Variants in PRR5 observed in about 807,000 individuals in gnomAD.
PRR5 encodes the protein proline rich 5.
In PRR5, 25 loss-of-function variants were observed where a neutral mutation model predicts 30.6. The observed-to-expected ratio is 0.82, with a 90% CI of 0.60 to 1.14. The LOEUF is 1.14. Among genes scored for constraint, PRR5 ranks in the 50% most tolerant of loss-of-function variants. The pLI, the probability that PRR5 is intolerant of heterozygous loss-of-function variation, is 0.00. For missense variants in PRR5, 600 were observed against 547.1 expected (o/e 1.10, Z -0.96); for synonymous variants, 286 against 247.1 (o/e 1.16, Z -1.48).
At chr22:44,706,147 A>G (rs962033055) in intron 1 of PRR5, among the ~76,000 whole-genome samples, 11 of 152,168 alleles carry the variant, frequency 7.2e-5, no homozygotes, top group African/African-American at 2.7e-4. Flanking sequence ...TTTAGGGCCC[A>G]TCCTTAGTTA....
intron 6 of PRR5, among the ~76,000 whole-genome samples, chr22:44,733,868 G>T (rs1006645425): frequency 1.3e-5 from 2 of 152,320 alleles, no homozygotes; most frequent in African/African-American, 4.8e-5. Flanking sequence ...CTCACCCCCA[G>T]GGACGTGGCC....
intron 6 of PRR5, among the ~76,000 whole-genome samples, chr22:44,733,836 C>T (rs1922686922): frequency 6.6e-6 from 1 of 152,174 alleles, no homozygotes; most frequent in African/African-American, 2.4e-5. Flanking sequence ...GCCCCGAAAC[C>T]CCAAGAGTTC....
chr22:44,726,829 G>GC (rs1056333119), intron 4 of PRR5, among the ~76,000 whole-genome samples, 195 bp downstream of exon 4: 16 of 152,266 alleles, frequency 1.1e-4, no homozygotes, highest in Admixed American at 6.5e-5. Context: ...GAGAGGGTCT[G>GC]CCCCCCGAAC....
At chr22:44,728,223 G>C (rs1327104109) in intron 4 of PRR5, among the ~76,000 whole-genome samples, 1 of 152,238 alleles carries the variant, frequency 6.6e-6, no homozygotes, top group Non-Finnish European at 1.5e-5. Flanking sequence ...AGGTCTCAGG[G>C]ACAGGCACTG....
chr22:44,726,470 T>G, intron 3 of PRR5, 107 bp from the exon 4 acceptor site: 1 of 1,531,894 alleles, frequency 6.5e-7, no homozygotes, highest in Non-Finnish European at 8.9e-7. Flanking sequence ...TCCTCCCCCT[T>G]TAAGCCTTGG....
At chr22:44,706,016 T>C (rs1927136604) in intron 1 of PRR5, among the ~76,000 whole-genome samples, 1 of 152,066 alleles carries the variant, frequency 6.6e-6, no homozygotes, top group African/African-American at 2.4e-5. Context: ...GCCAGGCTAC[T>C]CTCAAACTCC....
upstream of PRR5, among the ~76,000 whole-genome samples, chr22:44,698,413 G>T (rs1024077082): frequency 6.7e-6 from 1 of 148,918 alleles, no homozygotes; most frequent in Admixed American, 6.6e-5. Flanking sequence ...AGTCTGGAGT[G>T]GGGGCCACTC....
upstream of PRR5, among the ~76,000 whole-genome samples, chr22:44,676,138 C>T (rs893638224): frequency 5.3e-5 from 8 of 151,830 alleles, no homozygotes; most frequent in African/African-American, 1.9e-4. Flanking sequence ...AACCCCAGCA[C>T]TTTAGGAGGT....
chr22:44,704,765 G>A (rs941794218), intron 1 of PRR5, among the ~76,000 whole-genome samples: 2 of 151,618 alleles, frequency 1.3e-5, no homozygotes, highest in African/African-American at 2.4e-5. Flanking sequence ...CAGGAGACAT[G>A]CCCAGCTCAT....
At chr22:44,733,381 C>A (rs971399210) in intron 6 of PRR5, among the ~76,000 whole-genome samples, 15 of 152,234 alleles carry the variant, frequency 9.9e-5, no homozygotes, top group Admixed American at 5.2e-4. Context: ...CCCAGCTTCA[C>A]CCCGGCTCTC....
intron 1 of PRR5, among the ~76,000 whole-genome samples, chr22:44,690,755 A>G (rs953827687): frequency 1.3e-5 from 2 of 152,132 alleles, no homozygotes; most frequent in African/African-American, 4.8e-5. Flanking sequence ...CAGCCGGAGG[A>G]TGAGGAGCAG....
chr22:44,732,737 ACC>A (rs1922275922), intron 6 of PRR5, among the ~76,000 whole-genome samples: 1 of 144,514 alleles, frequency 6.9e-6, no homozygotes, highest in Non-Finnish European at 1.5e-5. Context: ...ATGCATACAC[ACC>A]ACACACGTGT....
At position 44,737,442 on chromosome 22, in the gene PRR5, G is replaced by GT. The variant is rs1310471824; in HGVS notation, c.*198dup. On this transcript the variant is annotated 3_prime_UTR_variant, in exon 8 of 8. Coordinates refer to ENST00000336985, the MANE Select transcript of PRR5 (RefSeq NM_181333.4). The stretch of plus-strand genomic sequence containing the variant: ...AGCCTTCCTTGCTCGGCCCAGGTCT[G>GT]TTTCAGGCATCTGAGTCGGCGTTTA... The GT allele has an allele frequency of 1.1e-5, 13 of 1,207,732 alleles. No individual in the cohort carries two copies. The highest frequency in any genetic ancestry group is 2.9e-4 in the Middle Eastern group (1 of 3,392). The allele number at this position is 1,207,732 out of a possible 1,614,324, so 74.8% of individuals were successfully genotyped here. A position where few individuals can be genotyped will look rare whatever the true frequency, so the allele number is the denominator to read the frequency against.
At chr22:44,711,750 C>G (rs993920174) in intron 1 of PRR5, among the ~76,000 whole-genome samples, 3 of 152,150 alleles carry the variant, frequency 2.0e-5, no homozygotes, top group African/African-American at 7.2e-5. Context: ...GAACCTCCAT[C>G]CAGGGTGTGG....
intron 2 of PRR5, 57 bp from the exon 3 acceptor site, chr22:44,725,187 C>G: frequency 6.2e-7 from 1 of 1,604,824 alleles, no homozygotes; most frequent in Non-Finnish European, 8.5e-7. Context: ...TCCGTGGGTC[C>G]CCCATGCCAG....
rs1377690402 is a variant in PRR5, at chr22:44,702,204, G to T, written c.-271G>T. 2.8e-6 allele frequency: 3 copies of T among 1,064,420 alleles called. No individual in the cohort carries two copies. In the African/African-American group the frequency reaches 5.1e-5, roughly 18 times the overall value. 65.9% of individuals were successfully genotyped at this position (1,064,420 alleles called of 1,614,324 possible). A position where few individuals can be genotyped will look rare whatever the true frequency, so the allele number is the denominator to read the frequency against. ...TGGGCCCGCCCCCGGGTCCGCCCCC[G>T]GCCTCCGTTTGCGCCGGGTCTGTGC... is the stretch of plus-strand genomic sequence containing the variant. On this transcript the variant is annotated 5_prime_UTR_variant, in exon 1 of 8. Coordinates refer to ENST00000336985, the MANE Select transcript of PRR5 (RefSeq NM_181333.4).
At position 44,725,296 on chromosome 22, in the gene PRR5, G is replaced by T; in HGVS notation, c.264+4G>T. 1 of 1,613,168 alleles carries T rather than the reference G, an allele frequency of 6.2e-7. No individual in the cohort carries two copies. On this transcript the variant is annotated splice_donor_region_variant and intron_variant, in intron 3 of 7. Transcript: ENST00000336985. Reference sequence around the variant, plus strand: ...CTTCTTCACGGAGTACCTGCAGGTAGGTGGGTCTTGCTCCAGCCAGGCTGG... The same window carrying T: ...CTTCTTCACGGAGTACCTGCAGGTATGTGGGTCTTGCTCCAGCCAGGCTGG...
At chr22:44,679,858 T>C (rs763213) in intron 1 of PRR5, 1,029,984 of 1,592,442 alleles carry the variant, frequency 0.65, 335,527 homozygotes, top group African/African-American at 0.85. Flanking sequence ...CCGGAAAAGA[T>C]GCCGGCGCAG....
intron 5 of PRR5, 139 bp downstream of exon 5, chr22:44,731,960 G>A: frequency 1.0e-6 from 1 of 987,020 alleles, no homozygotes; most frequent in African/African-American, 1.6e-5. Context: ...GGCTACCTGA[G>A]TTGCTCAGAG....
Sources: allele counts gnomAD v4.1 joint callset (sites outside exome capture counted in the v4.1 genomes callset), GRCh38; gene constraint gnomAD v4.1.1; transcripts MANE v1.5; gene names NCBI Gene and HGNC (gene_info 2026-07-23, HGNC 2026-07-21).